Variants in STOX2 observed in about 807,000 individuals in gnomAD.
The protein encoded by STOX2 is storkhead box 2, also known as storkhead-box protein 2.
In STOX2, 28 loss-of-function variants were observed where a neutral mutation model predicts 60.9. The observed-to-expected ratio is 0.46, with a 90% CI of 0.34 to 0.63. The LOEUF is 0.63. STOX2 is among the 30% of genes least tolerant of loss of function. STOX2 has a pLI of 0.01. For synonymous variants in STOX2, 472 were observed against 463.9 expected (o/e 1.02, Z -0.22); for missense variants, 1,024 against 1,187.7 (o/e 0.86, Z 2.03).
At chr4:183,851,069 G>A (rs1249625473) in intron 1 of STOX2, among the ~76,000 whole-genome samples, 18 of 120,294 alleles carry the variant, frequency 1.5e-4, no homozygotes, top group East Asian at 5.4e-4. Flanking sequence ...AAAGGATGAG[G>A]GAAAGGATGA....
intron 1 of STOX2, among the ~76,000 whole-genome samples, chr4:183,839,928 C>G (rs1739811283): frequency 6.6e-6 from 1 of 152,116 alleles, no homozygotes; most frequent in Non-Finnish European, 1.5e-5. Context: ...GGCCAACGCT[C>G]TAAGGGTTTT....
intron 1 of STOX2, among the ~76,000 whole-genome samples, chr4:183,839,039 A>AGGTAC (rs1739784782): frequency 6.6e-6 from 1 of 150,716 alleles, no homozygotes. Flanking sequence ...ACACACACAC[A>AGGTAC]GGTACACATG....
At chr4:183,804,811 T>C (rs1391485094) in intron 1 of STOX2, among the ~76,000 whole-genome samples, 4 of 102,444 alleles carry the variant, frequency 3.9e-5, no homozygotes, top group African/African-American at 1.2e-4. Flanking sequence ...TAGAATGAAC[T>C]TCTGAGATTC....
At position 184,001,600 on chromosome 4, in the gene STOX2, C is replaced by G. The variant is rs1046873090; in HGVS notation, c.319+123C>G. The G allele has an allele frequency of 1.1e-6, 1 of 893,608 alleles. No homozygotes were observed. Among genetic ancestry groups the G allele is most frequent in the Non-Finnish European group, 1.6e-6 (1 of 638,976 alleles). 55.4% of individuals were successfully genotyped at this position (893,608 alleles called of 1,614,324 possible). On this transcript the variant is annotated intron_variant, in intron 2 of 3. Transcript: ENST00000308497. The surrounding 1 kb of genome is among the most constrained non-coding windows in gnomAD (Gnocchi z 4.2). Reference sequence around the variant, plus strand: ...AAAACATTCTTCCCCAAAACTGACCCGAAGCTTTCCTTACTTCTGTAATTA... The same window carrying G: ...AAAACATTCTTCCCCAAAACTGACCGGAAGCTTTCCTTACTTCTGTAATTA...
intron 1 of STOX2, among the ~76,000 whole-genome samples, chr4:183,954,791 T>G (rs1469997496): frequency 6.6e-6 from 1 of 152,144 alleles, no homozygotes; most frequent in Non-Finnish European, 1.5e-5. Flanking sequence ...CAGGCCGCAG[T>G]GCAGTGGTGC....
At chr4:183,969,842 G>A (rs906976802) in intron 1 of STOX2, among the ~76,000 whole-genome samples, 5 of 152,154 alleles carry the variant, frequency 3.3e-5, no homozygotes, top group African/African-American at 1.2e-4. Context: ...GGCTAGCCTT[G>A]AATTCCTGGA....
chr4:183,978,110 C>T (rs2111184555), intron 1 of STOX2, among the ~76,000 whole-genome samples: 1 of 152,112 alleles, frequency 6.6e-6, no homozygotes, highest in African/African-American at 2.4e-5. Context: ...TAGTTAAGTC[C>T]CATTTGTCTT....
chr4:183,919,051 G>A (rs1233806086), intron 1 of STOX2, among the ~76,000 whole-genome samples: 4 of 152,204 alleles, frequency 2.6e-5, no homozygotes, highest in African/African-American at 9.7e-5. Context: ...GAAGTAACTT[G>A]CTTTCTATGG....
intron 1 of STOX2, among the ~76,000 whole-genome samples, chr4:183,929,197 T>G (rs1193699367): frequency 6.6e-6 from 1 of 152,254 alleles, no homozygotes; most frequent in Non-Finnish European, 1.5e-5. Context: ...CTCCCATTGC[T>G]CATGGCTGGT....
At chr4:183,884,292 G>A (rs1349332637) in intron 1 of STOX2, among the ~76,000 whole-genome samples, 1 of 139,430 alleles carries the variant, frequency 7.2e-6, no homozygotes, top group Non-Finnish European at 1.6e-5. Context: ...CATCTTTGTT[G>A]GTTGTCTCTA....
At chr4:183,970,749 G>T (rs900080396) in intron 1 of STOX2, among the ~76,000 whole-genome samples, 6 of 152,214 alleles carry the variant, frequency 3.9e-5, no homozygotes, top group Non-Finnish European at 5.9e-5. Flanking sequence ...GGTCGAGTAA[G>T]AAAGTTTATC....
intron 1 of STOX2, among the ~76,000 whole-genome samples, chr4:183,973,718 GGGCGCTGT>G (rs1743806810): frequency 6.6e-6 from 1 of 152,168 alleles, no homozygotes; most frequent in African/African-American, 2.4e-5. Context: ...ATAATAGGCC[GGGCGCTGT>G]GGCTCATGCC....
At chr4:183,909,934 T>G (rs530630921) in intron 1 of STOX2, among the ~76,000 whole-genome samples, 1 of 152,336 alleles carries the variant, frequency 6.6e-6, no homozygotes, top group East Asian at 1.9e-4. Context: ...ACTAGCGAGC[T>G]CTTGCAAAAG....
chr4:183,952,654 G>A (rs1186523437), intron 1 of STOX2, among the ~76,000 whole-genome samples: 1 of 152,208 alleles, frequency 6.6e-6, no homozygotes, highest in Non-Finnish European at 1.5e-5. Context: ...GAATGTGATT[G>A]TGGAGCACCA....
chr4:184,017,443 A>G lies in STOX2; in HGVS notation c.*159A>G. 1 of 643,590 alleles carries G rather than the reference A, an allele frequency of 1.6e-6. No homozygotes were observed. 39.9% of individuals were successfully genotyped at this position (643,590 alleles called of 1,614,324 possible). On this transcript the variant is annotated 3_prime_UTR_variant, in exon 4 of 4. Transcript: ENST00000308497. ...TAGGGCTAGGGCAAAAAAACAAAAA[A>G]TCTTTATTTCAGAGTATTGCTTTTC... is the stretch of plus-strand genomic sequence containing the variant.
intron 2 of STOX2, among the ~76,000 whole-genome samples, chr4:184,003,761 T>A (rs1354619235): frequency 6.6e-6 from 1 of 152,236 alleles, no homozygotes; most frequent in Non-Finnish European, 1.5e-5. Context: ...TACTATGTGG[T>A]TCTTTACAGA....
intron 1 of STOX2, among the ~76,000 whole-genome samples, chr4:183,940,650 T>G (rs572679131): frequency 6.6e-6 from 1 of 152,352 alleles, no homozygotes; most frequent in Non-Finnish European, 1.5e-5. Flanking sequence ...ATTGATCACT[T>G]GATGTTTGAC....
chr4:183,881,875 A>G (rs1420947276), intron 1 of STOX2, among the ~76,000 whole-genome samples: 1 of 152,216 alleles, frequency 6.6e-6, no homozygotes, highest in Non-Finnish European at 1.5e-5. Context: ...AGATCGAGAC[A>G]TCTTTGGGTA....
chr4:183,965,417 C>T (rs1743536494), intron 1 of STOX2, among the ~76,000 whole-genome samples: 1 of 152,160 alleles, frequency 6.6e-6, no homozygotes, highest in Non-Finnish European at 1.5e-5. Flanking sequence ...CTCCTGCTTG[C>T]ATTTAATTGC....
Sources: gnomAD v4.1 joint callset for allele counts (sites outside exome capture counted in the v4.1 genomes callset) on GRCh38, gnomAD v4.1.1 for gene constraint, Gnocchi (gnomAD v3.1) non-coding constraint, MANE v1.5 for transcripts, NCBI Gene and HGNC (gene_info 2026-07-23, HGNC 2026-07-21) for gene names.